The following TM2D1 variants were observed in gnomAD, a reference collection of about 807,000 sequenced individuals.
TM2D1 encodes the protein TM2 domain containing 1.
A neutral mutation model predicts 28.4 loss-of-function variants in TM2D1; 15 were observed. That is an observed-to-expected ratio of 0.53 (90% CI 0.35 to 0.81). The LOEUF (loss-of-function observed/expected upper bound fraction) is 0.81. Among genes scored for constraint, TM2D1 ranks in the 40% least tolerant of loss-of-function variants. TM2D1 has a pLI of 0.01. For synonymous variants in TM2D1, 93 were observed against 96.2 expected (o/e 0.97, Z 0.20); for missense variants, 236 against 254.9 (o/e 0.93, Z 0.50).
chr1:61,711,592 C>T lies in TM2D1; in HGVS notation c.239-2155G>A, dbSNP rs1644479752. On this transcript the variant is annotated intron_variant, in intron 2 of 6. Transcript: ENST00000606498. The stretch of plus-strand genomic sequence containing the variant: ...GCAGTGAGCTGTGATCATGCCACTG[C>T]ACTCCAGCCTGGGCAACAGAGTGAG... Among the ~76,000 whole-genome samples, 3 of 149,818 alleles carry T rather than the reference C, an allele frequency of 2.0e-5. 1 individual carries two copies. Among genetic ancestry groups the T allele is most frequent in the South Asian group, 2.1e-4 (1 of 4,778 alleles).
At position 61,694,733 on chromosome 1, in the gene TM2D1, A is replaced by G. The variant is rs745370162; in HGVS notation, c.477T>C (p.Ile159=). 4 of 1,608,850 alleles carry G rather than the reference A, an allele frequency of 2.5e-6. No homozygotes were observed. The South Asian group carries it at 4.5e-5, about 18-fold the overall frequency. The part of the protein sequence containing the change: ...LKFCTVGFCG[I]GSLIDFILIS... ...TAAGAATGAAATCAATTAGGCTCCC[A>G]ATTCCACAAAACCCTACAGTGCAAA... Residue 159 remains isoleucine, a synonymous_variant, in exon 5 of 7, where the codon ATT becomes ATC. Transcript: ENST00000606498.
At chr1:61,713,488 CAAAAAAA>C (rs369601221) in intron 2 of TM2D1, among the ~76,000 whole-genome samples, 1 of 91,394 alleles carries the variant, frequency 1.1e-5, no homozygotes, top group Non-Finnish European at 2.2e-5. Flanking sequence ...AACTCAAAAA[CAAAAAAA>C]AAAAAAAAAA....
chr1:61,694,685 T>G lies in TM2D1; in HGVS notation c.513+12A>C, dbSNP rs779373594. ...TGTAAAAGTAGTTTACATTCTAGATTGAGAAACTTACCTGCATTGAAATAA... is the reference window on the plus strand; with the variant it reads ...TGTAAAAGTAGTTTACATTCTAGATGGAGAAACTTACCTGCATTGAAATAA... On this transcript the variant is annotated intron_variant, in intron 5 of 6. Coordinates refer to ENST00000606498, the MANE Select transcript of TM2D1 (RefSeq NM_032027.3). 6.3e-7 allele frequency: 1 copy of G among 1,584,668 alleles called. No homozygotes were observed.
At chr1:61,692,066 C>G (rs1644332138) in intron 5 of TM2D1, among the ~76,000 whole-genome samples, 1 of 149,314 alleles carries the variant, frequency 6.7e-6, no homozygotes. Context: ...TAGTTACCCA[C>G]AGCTGAAAGA....
intron 2 of TM2D1, among the ~76,000 whole-genome samples, chr1:61,716,166 A>G (rs1263237301): frequency 6.6e-6 from 1 of 151,250 alleles, no homozygotes; most frequent in African/African-American, 2.4e-5. Context: ...AAAGAAAAAA[A>G]AAATTAGCCA....
intron 3 of TM2D1, among the ~76,000 whole-genome samples, chr1:61,705,219 T>G (rs1440417393): frequency 1.3e-5 from 2 of 152,066 alleles, no homozygotes; most frequent in Non-Finnish European, 2.9e-5. Context: ...CTTTCTCTGT[T>G]GCCCAGGCTG....
intron 5 of TM2D1, among the ~76,000 whole-genome samples, chr1:61,693,106 G>A (rs1045916104): frequency 3.8e-4 from 58 of 151,658 alleles, no homozygotes; most frequent in Admixed American, 2.9e-3. Context: ...GTATGGTGGC[G>A]CACACCTGTA....
At chr1:61,722,269 T>C (rs1461812771) in intron 2 of TM2D1, among the ~76,000 whole-genome samples, 6 of 151,986 alleles carry the variant, frequency 3.9e-5, no homozygotes, top group African/African-American at 1.4e-4. Context: ...CTGGGTGACA[T>C]AATGAGACAC....
chr1:61,710,503 T>TAC (rs4020071), intron 2 of TM2D1, among the ~76,000 whole-genome samples: 3,658 of 126,628 alleles, frequency 0.029, 61 homozygotes, highest in African/African-American at 0.041. Context: ...TATACACACA[T>TAC]ACACACACAC....
chr1:61,715,497 A>G (rs1644509812), intron 2 of TM2D1, among the ~76,000 whole-genome samples: 1 of 151,578 alleles, frequency 6.6e-6, no homozygotes, highest in African/African-American at 2.4e-5. Context: ...AAAATACACA[A>G]ATTAGCCAGG....
intron 4 of TM2D1, among the ~76,000 whole-genome samples, chr1:61,696,534 C>T (rs1644364081): frequency 9.4e-6 from 1 of 105,916 alleles, no homozygotes; most frequent in Admixed American, 1.2e-4. Context: ...GCCGGGGCAA[C>T]CTTGTCTCAA....
chr1:61,707,129 C>A (rs780484591), intron 3 of TM2D1, among the ~76,000 whole-genome samples: 12 of 152,026 alleles, frequency 7.9e-5, no homozygotes, highest in Non-Finnish European at 1.6e-4. Context: ...GGGGCATGCA[C>A]CTCTAGTCCC....
At chr1:61,712,679 G>T (rs1208300207) in intron 2 of TM2D1, among the ~76,000 whole-genome samples, 1 of 152,050 alleles carries the variant, frequency 6.6e-6, no homozygotes, top group African/African-American at 2.4e-5. Flanking sequence ...CCAAAGTGCT[G>T]GGATTACAGG....
intron 2 of TM2D1, among the ~76,000 whole-genome samples, chr1:61,720,129 A>T (rs1644551863): frequency 6.6e-6 from 1 of 152,276 alleles, no homozygotes; most frequent in Non-Finnish European, 1.5e-5. Flanking sequence ...TTCTGTCAAA[A>T]GACCATAGCA....
rs906798381 is a variant in TM2D1, at chr1:61,701,114, T to A, written c.348-89A>T. 5.1e-6 allele frequency: 5 copies of A among 975,034 alleles called. No homozygotes were observed. The Admixed American group carries it at 1.1e-4, about 22-fold the overall frequency. The allele number at this position is 975,034 out of a possible 1,614,324, so 60.4% of individuals were successfully genotyped here. ...TAACTACTACTTGTTAATTGGTTCATTCTTTCACTCAGTTAATGTTTTTTA... is the reference window on the plus strand; with the variant it reads ...TAACTACTACTTGTTAATTGGTTCAATCTTTCACTCAGTTAATGTTTTTTA... On this transcript the variant is annotated intron_variant, in intron 3 of 6. Transcript: ENST00000606498.
chr1:61,695,616 G>A (rs1416772123), intron 4 of TM2D1, among the ~76,000 whole-genome samples: 1 of 152,088 alleles, frequency 6.6e-6, no homozygotes, highest in East Asian at 1.9e-4. Context: ...ACAAATAGAT[G>A]CCAGCTAAAA....
intron 6 of TM2D1, among the ~76,000 whole-genome samples, chr1:61,681,758 A>T (rs1247308396): frequency 6.6e-6 from 1 of 152,228 alleles, no homozygotes; most frequent in Admixed American, 6.5e-5. Context: ...CAATTTCCAA[A>T]ACAAAAATGC....
At chr1:61,701,467 G>A (rs976514967) in intron 3 of TM2D1, among the ~76,000 whole-genome samples, 5 of 152,080 alleles carry the variant, frequency 3.3e-5, no homozygotes, top group African/African-American at 1.2e-4. Flanking sequence ...TGCTTCTGAG[G>A]AAAGAGTGTC....
chr1:61,716,592 T>TAC (rs1392329184), intron 2 of TM2D1, among the ~76,000 whole-genome samples: 35 of 137,908 alleles, frequency 2.5e-4, no homozygotes, highest in African/African-American at 5.8e-4. Context: ...TATATATATA[T>TAC]ACACACACAC....
Sources: gnomAD v4.1 joint callset for allele counts (sites outside exome capture counted in the v4.1 genomes callset) on GRCh38, gnomAD v4.1.1 for gene constraint, MANE v1.5 for transcripts, NCBI Gene and HGNC (gene_info 2026-07-23, HGNC 2026-07-21) for gene names.